The following SLC37A1 variants were observed in gnomAD, a reference collection of about 807,000 sequenced individuals.
SLC37A1 encodes the protein glucose-6-phosphate exchanger SLC37A1.
SLC37A1 carries 49 observed loss-of-function variants against 75.3 expected under a neutral mutation model. The observed-to-expected ratio is 0.65, with a 90% CI of 0.52 to 0.83. The LOEUF (loss-of-function observed/expected upper bound fraction) is 0.83, where lower values mean the gene tolerates loss of function less well. Ranked by LOEUF, SLC37A1 falls within the 40% of genes least tolerant of loss-of-function variation. The pLI, the probability that SLC37A1 is intolerant of heterozygous loss-of-function variation, is 0.00. For synonymous variants in SLC37A1, 268 were observed against 292.1 expected, an observed-to-expected ratio of 0.92 and a Z score of 0.84; for missense variants, 566 against 695.0, an observed-to-expected ratio of 0.81 and a Z score of 2.09.
At chr21:42,512,616 A>T (rs112446920), upstream of SLC37A1, among the ~76,000 whole-genome samples, 1,404 of 152,366 alleles carry the variant, frequency 9.2e-3, 14 homozygotes, top group African/African-American at 0.016. Context: ...GCGGAGAGAA[A>T]GAAGGTCTGA....
At chr21:42,575,647 C>G in intron 18 of SLC37A1, 2 of 985,494 alleles carry the variant, frequency 2.0e-6, no homozygotes, top group Non-Finnish European at 2.4e-6. Flanking sequence ...AGACCCACAG[C>G]CATGCCTCTC....
intron 9 of SLC37A1, among the ~76,000 whole-genome samples, chr21:42,553,742 T>A (rs769284844): frequency 1.3e-5 from 2 of 152,138 alleles, no homozygotes; most frequent in Non-Finnish European, 2.9e-5. Flanking sequence ...AAGGGAAAGA[T>A]TGGTCTGTGC....
intron 13 of SLC37A1, 101 bp downstream of exon 13, chr21:42,563,978 C>A: frequency 7.3e-7 from 1 of 1,376,904 alleles, no homozygotes; most frequent in Non-Finnish European, 1.0e-6. Flanking sequence ...CCCAAGGTCT[C>A]ATATCCCCTG....
chr21:42,526,808 G>C (rs1166060609), intron 3 of SLC37A1, among the ~76,000 whole-genome samples: 1 of 152,096 alleles, frequency 6.6e-6, no homozygotes, highest in East Asian at 1.9e-4. Flanking sequence ...TGTTGACTGT[G>C]GAAAACGTTT....
chr21:42,559,745 A>G (rs2055779801), intron 11 of SLC37A1, among the ~76,000 whole-genome samples: 1 of 152,146 alleles, frequency 6.6e-6, no homozygotes. Context: ...GCGTGGTGGC[A>G]GGCGCCTGTA....
At chr21:42,551,483 G>C (rs2055555313) in intron 9 of SLC37A1, among the ~76,000 whole-genome samples, 1 of 152,172 alleles carries the variant, frequency 6.6e-6, no homozygotes, top group Non-Finnish European at 1.5e-5. Context: ...ACAGGTATGA[G>C]GTTTCTTTTT....
At chr21:42,500,252 T>TGCA (rs2054329267) in intron 1 of SLC37A1, among the ~76,000 whole-genome samples, 1 of 152,226 alleles carries the variant, frequency 6.6e-6, no homozygotes, top group Non-Finnish European at 1.5e-5. Flanking sequence ...TATATGCATA[T>TGCA]TTATAAACAA....
chr21:42,554,736 C>A (rs1179569427), intron 10 of SLC37A1, among the ~76,000 whole-genome samples: 1 of 152,196 alleles, frequency 6.6e-6, no homozygotes, highest in Non-Finnish European at 1.5e-5. Flanking sequence ...CACAGAAATG[C>A]TAAGTTAATC....
At chr21:42,568,102 C>T (rs79538459) in intron 16 of SLC37A1, among the ~76,000 whole-genome samples, 8,204 of 152,308 alleles carry the variant, frequency 0.054, 708 homozygotes, top group African/African-American at 0.19. Flanking sequence ...CAGGACTGTG[C>T]GGAACAAACG....
rs1321472454 is a variant in SLC37A1, at chr21:42,567,078, A to T, written c.1344+20A>T. ...GACCTGGTGAGTAGAACCGGGAGAG[A>T]CACCAGCCCTGTGGGCACCCTGCCA... On this transcript the variant is annotated intron_variant, in intron 16 of 19. Transcript: ENST00000352133. 5 of 1,607,640 alleles carry T rather than the reference A, an allele frequency of 3.1e-6. No individual in the cohort carries two copies. The highest frequency in any genetic ancestry group is 1.7e-5 in the Admixed American group (1 of 59,928).
intron 3 of SLC37A1, among the ~76,000 whole-genome samples, chr21:42,531,662 G>A (rs1319352722): frequency 2.0e-5 from 3 of 152,278 alleles, no homozygotes; most frequent in East Asian, 3.9e-4. Flanking sequence ...AAGTGCTTTG[G>A]TGAGAATTTG....
At chr21:42,539,129 A>G (rs1165049112) in intron 5 of SLC37A1, among the ~76,000 whole-genome samples, 1 of 152,232 alleles carries the variant, frequency 6.6e-6, no homozygotes, top group Non-Finnish European at 1.5e-5. Context: ...CATTTGGTGT[A>G]GTTTGACAAC....
rs181535718 is a variant in SLC37A1 at position 42,577,945 on chromosome 21, G to A, written c.1522-1791G>A. On this transcript the variant is annotated intron_variant, in intron 18 of 19. Transcript: ENST00000352133. The stretch of plus-strand genomic sequence containing the variant: ...CCTAAAGCTGAAGCACTTGGGAGAC[G>A]GGGGCTTGTCGCAGTGGAGAAGGAA... 1.2e-3 allele frequency among the ~76,000 whole-genome samples: 181 copies of A among 152,346 alleles called. 1 individual carries two copies. Among genetic ancestry groups the A allele is most frequent in the African/African-American group, 8.4e-4 (35 of 41,574 alleles).
At chr21:42,568,655 G>A (rs190696301) in intron 17 of SLC37A1, among the ~76,000 whole-genome samples, 14 of 152,300 alleles carry the variant, frequency 9.2e-5, no homozygotes, top group East Asian at 3.9e-4. Flanking sequence ...CTAGCTGTGC[G>A]TGTCCAGGTT....
rs1008743229 is a variant in SLC37A1, at chr21:42,564,632, C to T, written c.1136-76C>T. On this transcript the variant is annotated intron_variant, in intron 13 of 19. Coordinates refer to ENST00000352133, the MANE Select transcript of SLC37A1 (RefSeq NM_001320537.2). ...GGAAAGGAGGAGGCCGTTCTCCGAG[C>T]TCCTGCAGTTCTGCTTCCTCCCCGT... 7 of 1,178,676 alleles carry T rather than the reference C, an allele frequency of 5.9e-6. No homozygotes were observed. The African/African-American group carries it at 1.1e-4, about 18-fold the overall frequency. 73.0% of individuals were successfully genotyped at this position (1,178,676 alleles called of 1,614,324 possible). A position where few individuals can be genotyped will look rare whatever the true frequency, so the allele number is the denominator to read the frequency against.
chr21:42,519,040 C>G (rs2054582483), intron 2 of SLC37A1, among the ~76,000 whole-genome samples: 1 of 152,160 alleles, frequency 6.6e-6, no homozygotes, highest in African/African-American at 2.4e-5. Context: ...AGTTGACAAG[C>G]CCAGAGTCTG....
intron 3 of SLC37A1, among the ~76,000 whole-genome samples, chr21:42,529,988 A>G (rs1286805472): frequency 1.3e-5 from 2 of 152,222 alleles, no homozygotes; most frequent in Non-Finnish European, 2.9e-5. Context: ...CTTACTTAGG[A>G]ATATCTTCAT....
At chr21:42,563,108 C>T (rs1207705015) in intron 12 of SLC37A1, among the ~76,000 whole-genome samples, 1 of 152,138 alleles carries the variant, frequency 6.6e-6, no homozygotes, top group Non-Finnish European at 1.5e-5. Context: ...CAGCAAGGAG[C>T]ACCCTTGGAT....
In SLC37A1 at chr21:42,572,677, CAAAA is replaced by C. The variant is rs552610279; in HGVS notation, c.1424-2130_1424-2127del. ...TAACAGGTTTTCAGCCACACACACA[CAAAA>C]AAAAAAAAAAGAGTGTGTCCTGAGG... On this transcript the variant is annotated intron_variant, in intron 17 of 19. Coordinates refer to ENST00000352133, the MANE Select transcript of SLC37A1 (RefSeq NM_001320537.2). Among the ~76,000 whole-genome samples, 4 of 80,504 alleles carry C rather than the reference CAAAA, an allele frequency of 5.0e-5. 1 individual carries two copies. 52.8% of individuals were successfully genotyped at this position (80,504 alleles called of 152,430 possible).
Sources: allele counts gnomAD v4.1 joint callset (sites outside exome capture counted in the v4.1 genomes callset), GRCh38; gene constraint gnomAD v4.1.1; transcripts MANE v1.5; gene names NCBI Gene and HGNC (gene_info 2026-07-23, HGNC 2026-07-21).